Variants in SAMD12 observed in about 807,000 individuals in gnomAD.
SAMD12 encodes sterile alpha motif domain-containing protein 12.
In SAMD12, 9 loss-of-function variants were observed where a neutral mutation model predicts 15.0. That is an observed-to-expected ratio of 0.60 (90% CI 0.36 to 1.05). The LOEUF is 1.05. Among genes scored for constraint, SAMD12 ranks in the 50% least tolerant of loss-of-function variants. SAMD12 has a pLI of 0.01. For missense variants in SAMD12, 230 were observed against 234.2 expected (o/e 0.98, Z 0.12); for synonymous variants, 86 against 90.1 (o/e 0.96, Z 0.25).
chr8:118,364,963 T>C (rs1186433618), intron 4 of SAMD12, among the ~76,000 whole-genome samples: 3 of 152,182 alleles, frequency 2.0e-5, no homozygotes, highest in Non-Finnish European at 4.4e-5. Flanking sequence ...TCTTGCCCCC[T>C]GTCTTTGCTT....
chr8:118,136,553 G>A, the SAMD12 span, among the ~76,000 whole-genome samples: 3 of 152,188 alleles, frequency 2.0e-5, no homozygotes, highest in South Asian at 2.1e-4. Flanking sequence ...CATCCTTTGG[G>A]CTCACCTCCT....
chr8:118,228,779 A>T (rs1031907916), intron 4 of SAMD12, among the ~76,000 whole-genome samples: 1 of 152,198 alleles, frequency 6.6e-6, no homozygotes, highest in Non-Finnish European at 1.5e-5. Context: ...CAGCAATCCC[A>T]CTACTGGGTA....
intron 4 of SAMD12, among the ~76,000 whole-genome samples, chr8:118,207,822 C>T (rs190482911): frequency 6.6e-6 from 1 of 152,218 alleles, no homozygotes; most frequent in Non-Finnish European, 1.5e-5. Context: ...CTAAGATTCA[C>T]TACTTTAGAT....
At chr8:118,179,130 G>A in the SAMD12 span, among the ~76,000 whole-genome samples, 4 of 152,066 alleles carry the variant, frequency 2.6e-5, no homozygotes, top group Non-Finnish European at 5.9e-5. Flanking sequence ...TACAATTATC[G>A]GACGTGAAAG....
At chr8:118,190,508 AGT>A (rs66477354) in exon 5 of SAMD12, 78,158 of 148,184 alleles carry the variant, frequency 0.53, 20,658 homozygotes, top group Middle Eastern at 0.6. Context: ...TATTAGAAAA[AGT>A]GTGTGTGTGT....
At chr8:118,461,625 G>A (rs1190895705) in intron 2 of SAMD12, among the ~76,000 whole-genome samples, 2 of 151,952 alleles carry the variant, frequency 1.3e-5, no homozygotes, top group African/African-American at 2.4e-5. Flanking sequence ...TATAAATACG[G>A]GACAGTACTT....
At chr8:118,197,338 C>A in exon 5 of SAMD12, 1 of 287,666 alleles carries the variant, frequency 3.5e-6, no homozygotes. Flanking sequence ...GCCATCTGCA[C>A]ACATAATAAA....
chr8:118,147,358 G>A, the SAMD12 span, among the ~76,000 whole-genome samples: 1 of 150,182 alleles, frequency 6.7e-6, no homozygotes, highest in African/African-American at 2.5e-5. Context: ...ATTTTTCCTA[G>A]GATAATTTTT....
At chr8:118,199,191 AT>A (rs1444166797) in intron 4 of SAMD12, among the ~76,000 whole-genome samples, 1 of 152,224 alleles carries the variant, frequency 6.6e-6, no homozygotes, top group Non-Finnish European at 1.5e-5. Context: ...TCATCATAGT[AT>A]TTTGCAAAAC....
chr8:118,553,235 G>A (rs1242246405), intron 2 of SAMD12, among the ~76,000 whole-genome samples: 1 of 152,120 alleles, frequency 6.6e-6, no homozygotes, highest in African/African-American at 2.4e-5. Context: ...GCAATCCTAA[G>A]CCAAAAGAAC....
chr8:118,455,353 G>T (rs1314885154), intron 2 of SAMD12, among the ~76,000 whole-genome samples: 2 of 151,540 alleles, frequency 1.3e-5, no homozygotes, highest in African/African-American at 2.4e-5. Flanking sequence ...CTTCCAGATT[G>T]AATATCTATA....
chr8:118,515,467 T>G (rs2131077462), intron 2 of SAMD12, among the ~76,000 whole-genome samples: 1 of 152,222 alleles, frequency 6.6e-6, no homozygotes, highest in South Asian at 2.1e-4. Context: ...CCTCTTTTCT[T>G]ATAAATTACC....
intron 3 of SAMD12, among the ~76,000 whole-genome samples, chr8:118,385,785 T>C (rs1399857843): frequency 6.6e-6 from 1 of 152,188 alleles, no homozygotes; most frequent in Non-Finnish European, 1.5e-5. Flanking sequence ...TAATCTTCTT[T>C]ACCACAAATT....
chr8:118,222,243 A>G (rs1812098418), intron 4 of SAMD12, among the ~76,000 whole-genome samples: 1 of 151,982 alleles, frequency 6.6e-6, no homozygotes, highest in South Asian at 2.1e-4. Flanking sequence ...AGCAGAAGAT[A>G]AAAATTTGGT....
chr8:118,153,784 C>CA, the SAMD12 span, among the ~76,000 whole-genome samples: 3 of 152,180 alleles, frequency 2.0e-5, no homozygotes, highest in Admixed American at 2.0e-4. Context: ...CCTTCAAAAG[C>CA]AAAAACCTAT....
intron 4 of SAMD12, among the ~76,000 whole-genome samples, chr8:118,273,369 T>C (rs1241619834): frequency 6.6e-6 from 1 of 152,124 alleles, no homozygotes; most frequent in East Asian, 1.9e-4. Flanking sequence ...CACATGGAGA[T>C]TATGGGAGCA....
chr8:118,225,487 T>C (rs1222530348), intron 4 of SAMD12, among the ~76,000 whole-genome samples: 3 of 152,168 alleles, frequency 2.0e-5, no homozygotes, highest in Non-Finnish European at 4.4e-5. Context: ...CTGGGAGTGA[T>C]CTGCAAGGGG....
At chr8:118,246,643 G>A (rs1368292474) in intron 4 of SAMD12, among the ~76,000 whole-genome samples, 7 of 152,038 alleles carry the variant, frequency 4.6e-5, no homozygotes, top group Non-Finnish European at 8.8e-5. Context: ...TCATTTCAAG[G>A]AGATATAAAA....
At chr8:118,374,374 C>T (rs981756406), downstream of SAMD12, among the ~76,000 whole-genome samples, 3 of 152,040 alleles carry the variant, frequency 2.0e-5, no homozygotes, top group Non-Finnish European at 4.4e-5. Context: ...TTTCTTTATC[C>T]GTTCATCTGT....
Sources: allele counts gnomAD v4.1 joint callset (sites outside exome capture counted in the v4.1 genomes callset), GRCh38; gene constraint gnomAD v4.1.1; transcripts MANE v1.5; gene names NCBI Gene and HGNC (gene_info 2026-07-23, HGNC 2026-07-21).